The following PMF1 variants were observed in gnomAD, a reference collection of about 807,000 sequenced individuals.
The protein encoded by PMF1 is polyamine-modulated factor 1.
In PMF1, 21 loss-of-function variants were observed where a neutral mutation model predicts 26.7. That is an observed-to-expected ratio of 0.79 (90% CI 0.56 to 1.13). PMF1 has a LOEUF of 1.13. PMF1 is among the 50% of genes most tolerant of loss of function. The probability of loss-of-function intolerance (pLI) is 0.00; values close to 1 mark genes in which losing one functional copy is unlikely to be tolerated. For missense variants in PMF1, 266 were observed against 254.9 expected (o/e 1.04, Z -0.30); for synonymous variants, 105 against 101.0 (o/e 1.04, Z -0.24).
At chr1:156,223,272 T>TG (rs1364463709) in intron 1 of PMF1, 1 of 152,284 alleles carries the variant, frequency 6.6e-6, no homozygotes, top group Non-Finnish European at 1.5e-5. Flanking sequence ...CTGTGCTTCC[T>TG]GAAGCCACCC....
At chr1:156,234,828 C>T (rs143347374) in intron 3 of PMF1, among the ~76,000 whole-genome samples, 2 of 152,016 alleles carry the variant, frequency 1.3e-5, no homozygotes, top group Non-Finnish European at 2.9e-5. Context: ...TTTTAGATGC[C>T]AGAAACTTAG....
At chr1:156,228,572 A>G (rs1384173381) in intron 1 of PMF1, among the ~76,000 whole-genome samples, 1 of 152,092 alleles carries the variant, frequency 6.6e-6, no homozygotes, top group African/African-American at 2.4e-5. Context: ...GGTCACAGCC[A>G]GCGCTGGTGG....
chr1:156,229,157 C>T (rs2103109933), intron 1 of PMF1, among the ~76,000 whole-genome samples: 1 of 152,286 alleles, frequency 6.6e-6, no homozygotes, highest in East Asian at 1.9e-4. Context: ...ATCCGCCCGC[C>T]TTGGCCTCCC....
chr1:156,232,797 C>T lies in PMF1; in HGVS notation c.267+372C>T, dbSNP rs1411460661. On this transcript the variant is annotated intron_variant, in intron 2 of 4. Coordinates refer to ENST00000368277, the MANE Select transcript of PMF1 (RefSeq NM_007221.4). Reference sequence around the variant, plus strand: ...TGCAGCCTCAAACTCTGGGCTCAAGCGATCCTCCCACCTTGGCTTCCCAAA... The same window carrying T: ...TGCAGCCTCAAACTCTGGGCTCAAGTGATCCTCCCACCTTGGCTTCCCAAA... 5.3e-5 allele frequency among the ~76,000 whole-genome samples: 8 copies of T among 151,888 alleles called. No homozygotes were observed. The South Asian group carries it at 1.2e-3, about 24-fold the overall frequency.
At chr1:156,226,002 G>A (rs1375720011) in intron 1 of PMF1, among the ~76,000 whole-genome samples, 2 of 151,974 alleles carry the variant, frequency 1.3e-5, no homozygotes, top group South Asian at 2.1e-4. Context: ...TTACAGGCAT[G>A]TACCACCACA....
intron 1 of PMF1, among the ~76,000 whole-genome samples, chr1:156,213,779 G>C (rs1558187070): frequency 6.6e-6 from 1 of 152,162 alleles, no homozygotes; most frequent in Non-Finnish European, 1.5e-5. Context: ...CACCTAAGGC[G>C]CCTAGGACAG....
intron 1 of PMF1, among the ~76,000 whole-genome samples, chr1:156,222,760 G>A (rs562878478): frequency 1.3e-5 from 2 of 151,402 alleles, no homozygotes; most frequent in African/African-American, 2.4e-5. Flanking sequence ...CAGGTGATCC[G>A]CCCGCCTCAG....
At chr1:156,224,873 T>G (rs917824794) in intron 1 of PMF1, among the ~76,000 whole-genome samples, 3 of 151,854 alleles carry the variant, frequency 2.0e-5, no homozygotes, top group African/African-American at 7.3e-5. Context: ...GACCAGAAAG[T>G]GGAGAGAGAA....
intron 1 of PMF1, among the ~76,000 whole-genome samples, chr1:156,231,216 CAAAAAAAAAAAAA>C (rs71080753): frequency 1.7e-4 from 8 of 48,396 alleles, no homozygotes; most frequent in Admixed American, 3.1e-4. Flanking sequence ...GACTCCATCT[CAAAAAAAAAAAAA>C]AAAAAAAAAA....
chr1:156,218,776 C>T (rs950632299), intron 1 of PMF1, among the ~76,000 whole-genome samples: 6 of 151,114 alleles, frequency 4.0e-5, no homozygotes, highest in South Asian at 2.1e-4. Flanking sequence ...AGCGAGACTC[C>T]GTCTCAAAAA....
chr1:156,233,358 G>A (rs981536420), intron 2 of PMF1, among the ~76,000 whole-genome samples: 6 of 148,966 alleles, frequency 4.0e-5, no homozygotes, highest in African/African-American at 9.9e-5. Context: ...GGGTTTCACC[G>A]TGTTACCAGG....
intron 1 of PMF1, among the ~76,000 whole-genome samples, chr1:156,216,584 C>T (rs1238610803): frequency 6.6e-6 from 1 of 151,872 alleles, no homozygotes; most frequent in Non-Finnish European, 1.5e-5. Flanking sequence ...GCTGATCTCT[C>T]GCGCGTCCGA....
intron 1 of PMF1, among the ~76,000 whole-genome samples, chr1:156,220,319 T>C (rs1323489166): frequency 6.6e-6 from 1 of 152,142 alleles, no homozygotes; most frequent in Admixed American, 6.6e-5. Flanking sequence ...CTCAGCGTCC[T>C]GAGTAGCTGC....
At chr1:156,236,711 C>T in intron 4 of PMF1, 1 of 617,060 alleles carries the variant, frequency 1.6e-6, no homozygotes, top group South Asian at 2.3e-5. Flanking sequence ...GCATGTGTTC[C>T]CCTGATGGAG....
chr1:156,217,705 G>A (rs1404769528), intron 1 of PMF1, among the ~76,000 whole-genome samples: 1 of 148,970 alleles, frequency 6.7e-6, no homozygotes, highest in Non-Finnish European at 1.5e-5. Flanking sequence ...TCCAGCCTGG[G>A]CAACAGAGCT....
At position 156,239,763 on chromosome 1, in the gene PMF1, C is replaced by T; in HGVS notation, c.*162C>T. The T allele has an allele frequency of 1.6e-6, 1 of 617,318 alleles. No individual in the cohort carries two copies. The highest frequency in any genetic ancestry group is 2.8e-5 in the East Asian group (1 of 35,920). The allele number at this position is 617,318 out of a possible 1,614,324, so 38.2% of individuals were successfully genotyped here. On this transcript the variant is annotated 3_prime_UTR_variant, in exon 5 of 5. Transcript: ENST00000368277. ...GACTAGGCCAGAGCAAGCCTCACTGCCACTGTGCCTTTGGGGCACCCTTGG... is the reference window on the plus strand; with the variant it reads ...GACTAGGCCAGAGCAAGCCTCACTGTCACTGTGCCTTTGGGGCACCCTTGG...
At chr1:156,226,973 C>T (rs1269203277) in intron 1 of PMF1, among the ~76,000 whole-genome samples, 1 of 152,104 alleles carries the variant, frequency 6.6e-6, no homozygotes, top group East Asian at 1.9e-4. Flanking sequence ...GGGAGGACTC[C>T]TCTTCCCAAG....
chr1:156,217,741 A>C (rs1242976906), intron 1 of PMF1, among the ~76,000 whole-genome samples: 2 of 152,230 alleles, frequency 1.3e-5, no homozygotes, highest in Non-Finnish European at 2.9e-5. Flanking sequence ...AAAAAAAAAA[A>C]AACAAAACTA....
chr1:156,231,448 A>C (rs1658702524), intron 1 of PMF1, among the ~76,000 whole-genome samples: 1 of 151,512 alleles, frequency 6.6e-6, no homozygotes, highest in African/African-American at 2.4e-5. Context: ...TACACCTGTA[A>C]TCCTAGCACT....
Sources: allele counts gnomAD v4.1 joint callset (sites outside exome capture counted in the v4.1 genomes callset), GRCh38; gene constraint gnomAD v4.1.1; transcripts MANE v1.5; gene names NCBI Gene and HGNC (gene_info 2026-07-23, HGNC 2026-07-21).